GRM8: variants seen among roughly 807,000 people sequenced by gnomAD.
GRM8 encodes glutamate metabotropic receptor 8, also known as metabotropic glutamate receptor 8.
GRM8 carries 47 observed loss-of-function variants against 87.2 expected under a neutral mutation model. That is an observed-to-expected ratio of 0.54 (90% confidence interval 0.43 to 0.69). The LOEUF (loss-of-function observed/expected upper bound fraction) is 0.69. GRM8 is among the 30% of genes least tolerant of loss of function. GRM8 has a pLI of 0.00. For missense variants in GRM8, 1,019 were observed against 1,139.2 expected (o/e 0.89, Z 1.52); for synonymous variants, 396 against 404.5 (o/e 0.98, Z 0.25).
At chr7:126,711,661 G>A (rs941701020) in intron 7 of GRM8, among the ~76,000 whole-genome samples, 4 of 152,200 alleles carry the variant, frequency 2.6e-5, no homozygotes, top group African/African-American at 9.6e-5. Flanking sequence ...AGAGAAGGCT[G>A]ATTGACCTAC....
At chr7:127,221,941 GA>G (rs1796959552) in intron 2 of GRM8, among the ~76,000 whole-genome samples, 1 of 152,162 alleles carries the variant, frequency 6.6e-6, no homozygotes, top group Non-Finnish European at 1.5e-5. Flanking sequence ...GGATCTGAAA[GA>G]AACTCTGAAG....
intron 3 of GRM8, among the ~76,000 whole-genome samples, chr7:127,038,610 A>G (rs986776272): frequency 6.6e-6 from 1 of 152,200 alleles, no homozygotes; most frequent in Admixed American, 6.5e-5. Flanking sequence ...ACCTACAAGT[A>G]TATTCTTGTC....
At chr7:126,698,270 G>GTT (rs1563101946) in intron 7 of GRM8, among the ~76,000 whole-genome samples, 1 of 151,966 alleles carries the variant, frequency 6.6e-6, no homozygotes, top group Non-Finnish European at 1.5e-5. Flanking sequence ...ATTATGTAGT[G>GTT]GCTTGTTCTT....
At chr7:127,132,485 A>T (rs1483003737) in intron 2 of GRM8, among the ~76,000 whole-genome samples, 1 of 152,128 alleles carries the variant, frequency 6.6e-6, no homozygotes, top group Non-Finnish European at 1.5e-5. Flanking sequence ...TAGAGACACA[A>T]TAAAACAGAC....
chr7:126,719,230 T>C (rs1812103234), intron 7 of GRM8, among the ~76,000 whole-genome samples: 1 of 128,682 alleles, frequency 7.8e-6, no homozygotes, highest in South Asian at 2.3e-4. Flanking sequence ...GTATTTTGCA[T>C]AATTTTTGGC....
At chr7:126,658,768 G>GA (rs35153000) in intron 7 of GRM8, among the ~76,000 whole-genome samples, 16 of 151,680 alleles carry the variant, frequency 1.1e-4, no homozygotes, top group East Asian at 5.8e-4. Flanking sequence ...TATTAGATTG[G>GA]AAAAAAAATC....
At chr7:126,833,031 C>G (rs1402589476) in intron 6 of GRM8, among the ~76,000 whole-genome samples, 1 of 152,180 alleles carries the variant, frequency 6.6e-6, no homozygotes, top group Non-Finnish European at 1.5e-5. Context: ...ATGGTATTCT[C>G]AAATTTAATG....
At chr7:127,164,178 G>A (rs1186716730) in intron 2 of GRM8, among the ~76,000 whole-genome samples, 1 of 152,098 alleles carries the variant, frequency 6.6e-6, no homozygotes, top group Non-Finnish European at 1.5e-5. Context: ...GCCATGCGAT[G>A]TGCCTGCTCC....
intron 8 of GRM8, among the ~76,000 whole-genome samples, chr7:126,556,706 G>GA (rs374003144): frequency 5.3e-5 from 8 of 152,188 alleles, no homozygotes; most frequent in African/African-American, 1.9e-4. Context: ...TTTTTCACGA[G>GA]AGAACCTCCA....
At chr7:126,757,448 C>T (rs1224074541) in intron 7 of GRM8, among the ~76,000 whole-genome samples, 1 of 152,144 alleles carries the variant, frequency 6.6e-6, no homozygotes, top group Non-Finnish European at 1.5e-5. Context: ...TTTATACTTT[C>T]TCTAAAGTTA....
intron 7 of GRM8, among the ~76,000 whole-genome samples, chr7:126,759,834 T>C (rs1438524293): frequency 1.3e-5 from 2 of 152,198 alleles, no homozygotes; most frequent in Non-Finnish European, 1.5e-5. Flanking sequence ...TTAAACTTCA[T>C]AGGAAACCAA....
chr7:126,602,566 C>T (rs1797916833), intron 8 of GRM8, among the ~76,000 whole-genome samples: 1 of 142,660 alleles, frequency 7.0e-6, no homozygotes, highest in East Asian at 2.2e-4. Flanking sequence ...TACCCATGAG[C>T]ATGGAATGTT....
At chr7:127,157,117 T>C (rs1435611090) in intron 2 of GRM8, among the ~76,000 whole-genome samples, 1 of 149,052 alleles carries the variant, frequency 6.7e-6, no homozygotes, top group Non-Finnish European at 1.5e-5. Context: ...GGAAAAACTA[T>C]AGATTAAAGG....
At chr7:126,961,784 C>T (rs925329008) in intron 3 of GRM8, among the ~76,000 whole-genome samples, 1 of 152,254 alleles carries the variant, frequency 6.6e-6, no homozygotes, top group Non-Finnish European at 1.5e-5. Context: ...TTTCTTCACA[C>T]ATTTTTTGAT....
chr7:126,838,903 G>C (rs993904238), intron 6 of GRM8, among the ~76,000 whole-genome samples: 1 of 152,162 alleles, frequency 6.6e-6, no homozygotes, highest in African/African-American at 2.4e-5. Context: ...GAACTATTCA[G>C]GTGTACGCTT....
chr7:127,164,865 A>T (rs1563552297), intron 2 of GRM8, among the ~76,000 whole-genome samples: 1 of 152,030 alleles, frequency 6.6e-6, no homozygotes, highest in Non-Finnish European at 1.5e-5. Context: ...TGGGCAAGTT[A>T]CTTAACCTCT....
intron 6 of GRM8, among the ~76,000 whole-genome samples, chr7:126,834,885 C>T (rs1795699660): frequency 6.6e-6 from 1 of 151,848 alleles, no homozygotes; most frequent in African/African-American, 2.4e-5. Flanking sequence ...ATTGCTTGAG[C>T]TTAGGAGTTT....
chr7:126,619,905 G>T (rs1385289804), intron 7 of GRM8, among the ~76,000 whole-genome samples: 4 of 152,056 alleles, frequency 2.6e-5, no homozygotes, highest in Non-Finnish European at 4.4e-5. Context: ...TGCCCAGGCT[G>T]GTCTTGAACT....
At chr7:126,615,430 G>A (rs1208643133) in intron 7 of GRM8, among the ~76,000 whole-genome samples, 2 of 152,182 alleles carry the variant, frequency 1.3e-5, no homozygotes, top group Admixed American at 6.5e-5. Context: ...ATGCCAAATT[G>A]TAAAGACCAT....
Sources: gnomAD v4.1 joint callset for allele counts (sites outside exome capture counted in the v4.1 genomes callset) on GRCh38, gnomAD v4.1.1 for gene constraint, MANE v1.5 for transcripts, NCBI Gene and HGNC (gene_info 2026-07-23, HGNC 2026-07-21) for gene names.